Variants in ZNF148 observed in about 807,000 individuals in gnomAD.
ZNF148 encodes the protein Beta-Enolase Repressor Factor-1.
Under a neutral mutation model 67.7 loss-of-function variants are expected in ZNF148, and 7 were observed. The ratio of observed to expected loss-of-function variants is 0.10; its 90% CI spans 0.06 to 0.19. ZNF148 has a LOEUF of 0.19. Among genes scored for constraint, ZNF148 ranks in the 10% least tolerant of loss-of-function variants. The pLI is 1.00. For missense variants in ZNF148, 583 were observed against 947.1 expected (o/e 0.62, Z 5.05); for synonymous variants, 333 against 330.7 (o/e 1.01, Z -0.08).
At chr3:125,242,402 C>T (rs1351878014) in intron 7 of ZNF148, among the ~76,000 whole-genome samples, 4 of 152,184 alleles carry the variant, frequency 2.6e-5, no homozygotes, top group South Asian at 2.1e-4. Flanking sequence ...AGGTGGATCA[C>T]CTGAGGTCAG....
At chr3:125,367,617 A>G (rs895369873) in intron 1 of ZNF148, among the ~76,000 whole-genome samples, 2 of 152,256 alleles carry the variant, frequency 1.3e-5, no homozygotes, top group African/African-American at 2.4e-5. Flanking sequence ...CTCCTAAATT[A>G]TCTCAAATAT....
Position 125,313,561 on chromosome 3 carries a change from A to G in ZNF148, c.80T>C (p.Val27Ala). The G allele has an allele frequency of 6.2e-7, 1 of 1,614,096 alleles. No homozygotes were observed. The highest frequency in any genetic ancestry group is 8.5e-7 in the Non-Finnish European group (1 of 1,179,998). ...IDEMQSSRTMVVMGGVSGQST... is the reference protein window; with the variant it reads ...IDEMQSSRTMAVMGGVSGQST... ...CTGGCCAGACACTCCACCCATTACA[A>G]CCATTGTCCTGGAAGACTGCATTTC... The change falls in exon 4 of 9, where the codon GTT becomes GCT. Residue 27 changes from valine to alanine, a missense_variant. Transcript: ENST00000360647.
intron 7 of ZNF148, among the ~76,000 whole-genome samples, chr3:125,258,595 A>T (rs1237289948): frequency 1.3e-5 from 2 of 152,134 alleles, no homozygotes; most frequent in Non-Finnish European, 2.9e-5. Context: ...CTACAAGCAA[A>T]GCATGAATCT....
Position 125,227,769 on chromosome 3 carries a change from T to C in ZNF148, c.*4572A>G, listed in dbSNP as rs1935698219. ...TTACATATAAAAGATACCAGTGTAC[T>C]AAAAAGTGACAGAAGTGGACTAGCA... On this transcript the variant is annotated 3_prime_UTR_variant, in exon 9 of 9. Coordinates refer to ENST00000360647, the MANE Select transcript of ZNF148 (RefSeq NM_021964.3). 6.6e-6 allele frequency: 1 copy of C among 152,610 alleles called. No homozygotes were observed. The highest frequency in any genetic ancestry group is 1.9e-4 in the East Asian group (1 of 5,204). The allele number at this position is 152,610 out of a possible 1,614,324, so 9.5% of individuals were successfully genotyped here. A position where few individuals can be genotyped will look rare whatever the true frequency, so the allele number is the denominator to read the frequency against.
At position 125,232,997 on chromosome 3, in the gene ZNF148, C is replaced by G; in HGVS notation, c.1729G>C (p.Glu577Gln). ...VTSSISINSSEVPEVTPSENV... is the reference protein window; with the variant it reads ...VTSSISINSSQVPEVTPSENV... ...TCTGACGGGGTGACCTCTGGTACTT[C>G]TGAAGAATTTATTGATATGCTAGAA... Residue 577 changes from glutamate to glutamine, a missense_variant, in exon 9 of 9, where the codon GAA becomes CAA. By Grantham distance (29) the Glu-to-Gln change is conservative (BLOSUM62 2). Around this residue, in one of 5 missense-constraint regions of ZNF148, gnomAD observed 172 missense variants for 307.7 expected, o/e 0.56. Coordinates refer to ENST00000360647, the MANE Select transcript of ZNF148 (RefSeq NM_021964.3). This position sits in a 1 kb window ranked among gnomAD's most constrained non-coding sequence, Gnocchi z 4.2. 1 of 1,613,714 alleles carries G rather than the reference C, an allele frequency of 6.2e-7. No individual in the cohort carries two copies. The highest frequency in any genetic ancestry group is 8.5e-7 in the Non-Finnish European group (1 of 1,179,826).
In ZNF148 at chr3:125,232,259, A is replaced by G. The variant is rs2107828244; in HGVS notation, c.*82T>C. ...TTACGCATTGCTCTTAAATCTGTAC[A>G]GCACTCCATTTACACAGAGTAACCC... On this transcript the variant is annotated 3_prime_UTR_variant, in exon 9 of 9. Coordinates refer to ENST00000360647, the MANE Select transcript of ZNF148 (RefSeq NM_021964.3). The surrounding 1 kb of genome is among the most constrained non-coding windows in gnomAD (Gnocchi z 4.2). The G allele has an allele frequency of 6.9e-7, 1 of 1,443,082 alleles. No homozygotes were observed. The highest frequency in any genetic ancestry group is 1.4e-5 in the South Asian group (1 of 71,454). The allele number at this position is 1,443,082 out of a possible 1,614,324, so 89.4% of individuals were successfully genotyped here.
At chr3:125,317,625 T>G (rs1488544906) in intron 3 of ZNF148, among the ~76,000 whole-genome samples, 1 of 126,594 alleles carries the variant, frequency 7.9e-6, no homozygotes, top group Non-Finnish European at 1.7e-5. Flanking sequence ...AGGAGAACTA[T>G]GTAGATAGTA....
intron 3 of ZNF148, among the ~76,000 whole-genome samples, chr3:125,321,303 A>C (rs1216335386): frequency 6.6e-6 from 1 of 152,180 alleles, no homozygotes; most frequent in East Asian, 1.9e-4. Flanking sequence ...AAGGATGTTT[A>C]AACAAATATC....
At chr3:125,253,020 G>C (rs7623450) in intron 7 of ZNF148, among the ~76,000 whole-genome samples, 3 of 151,928 alleles carry the variant, frequency 2.0e-5, no homozygotes, top group Non-Finnish European at 2.9e-5. Flanking sequence ...CTCCCCTCCC[G>C]TTCTCTCCCC....
At chr3:125,317,713 ATTTT>A (rs71625788) in intron 3 of ZNF148, among the ~76,000 whole-genome samples, 78 of 134,574 alleles carry the variant, frequency 5.8e-4, no homozygotes, top group African/African-American at 2.1e-3. Flanking sequence ...ATATATATAT[ATTTT>A]TTTTTTTTTC....
intron 5 of ZNF148, among the ~76,000 whole-genome samples, chr3:125,282,609 A>G (rs1938451310): frequency 6.6e-6 from 1 of 152,154 alleles, no homozygotes; most frequent in Non-Finnish European, 1.5e-5. Flanking sequence ...GACTTTATAG[A>G]AAAAAATTGA....
intron 4 of ZNF148, among the ~76,000 whole-genome samples, chr3:125,300,910 T>C (rs184161869): frequency 4.6e-4 from 70 of 152,232 alleles, no homozygotes; most frequent in Middle Eastern, 6.8e-3. Context: ...TATGATTTGC[T>C]AAATCCTCCT....
intron 1 of ZNF148, among the ~76,000 whole-genome samples, chr3:125,341,138 T>C (rs1215050661): frequency 6.7e-6 from 1 of 150,036 alleles, no homozygotes; most frequent in African/African-American, 2.5e-5. Context: ...AAGCAAAAGT[T>C]TCAACAATAT....
chr3:125,334,335 C>A (rs1941406150), intron 1 of ZNF148, among the ~76,000 whole-genome samples: 1 of 152,144 alleles, frequency 6.6e-6, no homozygotes, highest in Admixed American at 6.5e-5. Flanking sequence ...TGGTCTCTGT[C>A]CAAAGGCATT....
chr3:125,336,302 C>T (rs1941490845), intron 1 of ZNF148, among the ~76,000 whole-genome samples: 1 of 152,138 alleles, frequency 6.6e-6, no homozygotes, highest in Non-Finnish European at 1.5e-5. Flanking sequence ...TTAACTAGAG[C>T]ACATTTTACA....
chr3:125,251,624 T>G (rs1022458922), intron 7 of ZNF148, among the ~76,000 whole-genome samples: 2 of 152,222 alleles, frequency 1.3e-5, no homozygotes, highest in African/African-American at 4.8e-5. Context: ...TTAGTCAATG[T>G]TATGCTTGTA....
intron 1 of ZNF148, among the ~76,000 whole-genome samples, chr3:125,369,261 CAAAAA>C (rs71148178): frequency 2.3e-4 from 3 of 12,888 alleles, no homozygotes; most frequent in African/African-American, 8.6e-4. Context: ...GATCCTGCCT[CAAAAA>C]AAAAAAAAAA....
At position 125,230,398 on chromosome 3, in the gene ZNF148, T is replaced by C. The variant is rs1014342138; in HGVS notation, c.*1943A>G. On this transcript the variant is annotated 3_prime_UTR_variant, in exon 9 of 9. Transcript: ENST00000360647. ...AGTCAATAATGGCAGAACTTAAATA[T>C]TTACTTCAAAGAAGTCTTAAATTCT... 1 of 152,554 alleles carries C rather than the reference T, an allele frequency of 6.6e-6. No individual in the cohort carries two copies. Among genetic ancestry groups the C allele is most frequent in the Non-Finnish European group, 1.5e-5 (1 of 68,012 alleles). The allele number at this position is 152,554 out of a possible 1,614,324, so 9.5% of individuals were successfully genotyped here. A position where few individuals can be genotyped will look rare whatever the true frequency, so the allele number is the denominator to read the frequency against.
chr3:125,341,592 G>A (rs921188747), intron 1 of ZNF148, among the ~76,000 whole-genome samples: 4 of 151,412 alleles, frequency 2.6e-5, no homozygotes, highest in Non-Finnish European at 5.9e-5. Context: ...CTGCACTACT[G>A]CCTAGAAAAA....
Sources: allele counts gnomAD v4.1 joint callset (sites outside exome capture counted in the v4.1 genomes callset), GRCh38; gene constraint gnomAD v4.1.1; regional missense constraint gnomAD v4.1.1; non-coding constraint Gnocchi (gnomAD v3.1); transcripts MANE v1.5; gene names NCBI Gene and HGNC (gene_info 2026-07-23, HGNC 2026-07-21).